EBF4: variants seen among roughly 807,000 people sequenced by gnomAD.
EBF4 encodes transcription factor COE4.
A neutral mutation model predicts 67.1 loss-of-function variants in EBF4; 34 were observed. The observed-to-expected ratio is 0.51, with a 90% CI of 0.39 to 0.67. The LOEUF is 0.67. Among genes scored for constraint, EBF4 ranks in the 30% least tolerant of loss-of-function variants. EBF4 has a pLI of 0.00. For synonymous variants in EBF4, 387 were observed against 377.7 expected (o/e 1.02, Z -0.29); for missense variants, 837 against 873.3 (o/e 0.96, Z 0.52).
chr20:2,701,317 C>T (rs976902747), intron 1 of EBF4, among the ~76,000 whole-genome samples: 1 of 152,240 alleles, frequency 6.6e-6, no homozygotes, highest in African/African-American at 2.4e-5. Context: ...TCCATGCCCC[C>T]AGCTGGCAGG....
chr20:2,693,701 C>G lies in EBF4; in HGVS notation c.56C>G (p.Pro19Arg). Residue 19 changes from proline to arginine, a missense_variant, in exon 1 of 17, where the codon CCG (proline) becomes CGG (arginine). This residue lies in a region of EBF4 where 86 missense variants were observed against 70.3 expected (regional missense o/e 1.22). Transcript: ENST00000609451. This position sits in a 1 kb window ranked among gnomAD's most constrained non-coding sequence, Gnocchi z 4.6. The stretch of plus-strand genomic sequence containing the variant: ...AGCGGGCTGAACCTGAAGGAGGAGC[C>G]GCTGCTGCCCGCCGGCCTGGGCTCA... 7.0e-7 allele frequency: 1 copy of G among 1,424,998 alleles called. No individual in the cohort carries two copies. Among genetic ancestry groups the G allele is most frequent in the Non-Finnish European group, 9.1e-7 (1 of 1,094,944 alleles). 88.3% of individuals were successfully genotyped at this position (1,424,998 alleles called of 1,614,324 possible). A position where few individuals can be genotyped will look rare whatever the true frequency, so the allele number is the denominator to read the frequency against.
chr20:2,748,016 G>A (rs1463736862), intron 6 of EBF4, among the ~76,000 whole-genome samples: 1 of 152,156 alleles, frequency 6.6e-6, no homozygotes, highest in Non-Finnish European at 1.5e-5. Context: ...TCTGAGGAGT[G>A]TACATGGTGT....
At position 2,704,049 on chromosome 20, in the gene EBF4, C is replaced by CA. The variant is rs1252737268; in HGVS notation, c.138-1522dup. On this transcript the variant is annotated intron_variant, in intron 1 of 16. Transcript: ENST00000609451. ...CTGGCTTCCCCCTGAATCACTAATCCAAAAAAGGGAAGAAGTCAGAAGCTG... is the reference window on the plus strand; with the variant it reads ...CTGGCTTCCCCCTGAATCACTAATCCAAAAAAAGGGAAGAAGTCAGAAGCTG... 3.9e-4 allele frequency among the ~76,000 whole-genome samples: 59 copies of CA among 152,020 alleles called. No individual in the cohort carries two copies. The East Asian group carries it at 0.01, about 27-fold the overall frequency.
At chr20:2,736,703 C>A (rs942565674) in intron 6 of EBF4, among the ~76,000 whole-genome samples, 1 of 152,152 alleles carries the variant, frequency 6.6e-6, no homozygotes, top group Admixed American at 6.5e-5. Flanking sequence ...CTTCCCCATT[C>A]CCCCCAACCC....
intron 14 of EBF4, among the ~76,000 whole-genome samples, chr20:2,754,515 C>A (rs898000080): frequency 6.6e-6 from 1 of 152,186 alleles, no homozygotes; most frequent in African/African-American, 2.4e-5. Context: ...TAACTGTTGT[C>A]TTAAAGGAGA....
chr20:2,740,594 A>C (rs1262070102), intron 6 of EBF4, among the ~76,000 whole-genome samples: 2 of 152,184 alleles, frequency 1.3e-5, no homozygotes. Context: ...ATGGGGATGC[A>C]GGGAAGAAAA....
chr20:2,731,370 C>T (rs994937736), intron 6 of EBF4, among the ~76,000 whole-genome samples: 1 of 152,180 alleles, frequency 6.6e-6, no homozygotes, highest in Non-Finnish European at 1.5e-5. Flanking sequence ...CCTCAGCTCT[C>T]CCCTAAGGTG....
intron 5 of EBF4, among the ~76,000 whole-genome samples, chr20:2,708,345 G>T (rs942428636): frequency 3.3e-5 from 5 of 152,236 alleles, no homozygotes; most frequent in African/African-American, 1.2e-4. Context: ...CAGGGTCTGG[G>T]AAGGCCTCTG....
In EBF4 at chr20:2,751,259, G is replaced by T. The variant is rs1339349353; in HGVS notation, c.1019-441G>T. Among the ~76,000 whole-genome samples the T allele has an allele frequency of 6.6e-6, 1 of 152,188 alleles. No individual in the cohort carries two copies. The highest frequency in any genetic ancestry group is 6.5e-5 in the Admixed American group (1 of 15,272). ...TGCAAACCTCTAGCCTTCAGATGCT[G>T]CAGAGAGTCCACTTGAGCCGTGATA... On this transcript the variant is annotated intron_variant, in intron 10 of 16. Transcript: ENST00000609451. This position sits in a 1 kb window ranked among gnomAD's most constrained non-coding sequence, Gnocchi z 5.2.
chr20:2,753,853 G>A (rs2088195642), intron 14 of EBF4, among the ~76,000 whole-genome samples: 1 of 152,172 alleles, frequency 6.6e-6, no homozygotes, highest in African/African-American at 2.4e-5. Flanking sequence ...GCCTTCTGGT[G>A]TCCCTCCCAA....
In EBF4 at chr20:2,755,276, A is replaced by G. The variant is rs1250920369; in HGVS notation, c.1541-351A>G. 3.9e-5 allele frequency: 11 copies of G among 285,322 alleles called. No individual in the cohort carries two copies. The highest frequency in any genetic ancestry group is 5.9e-5 in the Non-Finnish European group (9 of 151,366). The allele number at this position is 285,322 out of a possible 1,614,324, so 17.7% of individuals were successfully genotyped here. On this transcript the variant is annotated intron_variant, in intron 14 of 16. Transcript: ENST00000609451. The surrounding 1 kb of genome is among the most constrained non-coding windows in gnomAD (Gnocchi z 4.7). ...GCAAGGCTCATAAATGTTTCCTAGC[A>G]TCTCAGAATCCCAGGGGTTTTCAGC...
rs1362107278 is a variant in EBF4, at chr20:2,696,554, C to T, written c.137+2772C>T. 6.6e-6 allele frequency among the ~76,000 whole-genome samples: 1 copy of T among 152,170 alleles called. No homozygotes were observed. The highest frequency in any genetic ancestry group is 1.5e-5 in the Non-Finnish European group (1 of 68,024). On this transcript the variant is annotated intron_variant, in intron 1 of 16. Coordinates refer to ENST00000609451, the Ensembl canonical transcript of EBF4. The surrounding 1 kb of genome is among the most constrained non-coding windows in gnomAD (Gnocchi z 4.7). ...CCCACTGCTTCCTCATGGATATCTC[C>T]AACATTCAAGGCCTATCATGGTCTG...
chr20:2,744,475 TTTTC>T (rs2088017864), intron 6 of EBF4, among the ~76,000 whole-genome samples: 1 of 129,976 alleles, frequency 7.7e-6, no homozygotes, highest in Non-Finnish European at 1.6e-5. Flanking sequence ...TTCTTTTCTT[TTTTC>T]TTTTTTTCTT....
intron 6 of EBF4, among the ~76,000 whole-genome samples, chr20:2,742,331 A>G (rs772945545): frequency 1.3e-5 from 2 of 152,210 alleles, no homozygotes; most frequent in African/African-American, 4.8e-5. Flanking sequence ...CAAACTCAGC[A>G]GCGTTCTGGG....
At chr20:2,726,326 C>T (rs35045412) in intron 6 of EBF4, among the ~76,000 whole-genome samples, 16,958 of 152,102 alleles carry the variant, frequency 0.11, 1,219 homozygotes, top group East Asian at 0.29. Flanking sequence ...AGGTGTAGTA[C>T]CAGCTACCTG....
At chr20:2,709,785 G>A in intron 6 of EBF4, 143 bp downstream of exon 6, 1 of 831,830 alleles carries the variant, frequency 1.2e-6, no homozygotes, top group Non-Finnish European at 1.6e-6. Flanking sequence ...AGCAGAGAGG[G>A]AAACTGCCAG....
Position 2,705,442 on chromosome 20 carries a change from C to T in EBF4, c.138-135C>T. 3.2e-6 allele frequency: 4 copies of T among 1,233,370 alleles called. No homozygotes were observed. In the Admixed American group the frequency reaches 6.2e-5, roughly 19 times the overall value. 76.4% of individuals were successfully genotyped at this position (1,233,370 alleles called of 1,614,324 possible). A position where few individuals can be genotyped will look rare whatever the true frequency, so the allele number is the denominator to read the frequency against. On this transcript the variant is annotated intron_variant, in intron 1 of 16. Coordinates refer to ENST00000609451, the Ensembl canonical transcript of EBF4. ...CCTGGTCAGGCTGGAAAGGGCCTGT[C>T]TAGTTGGATTTTTTGCCCAAACTCT...
At chr20:2,701,433 G>C (rs893773565) in intron 1 of EBF4, among the ~76,000 whole-genome samples, 2 of 152,228 alleles carry the variant, frequency 1.3e-5, no homozygotes, top group African/African-American at 4.8e-5. Context: ...CTGAGCCCTG[G>C]GAAGGAAGCT....
intron 1 of EBF4, among the ~76,000 whole-genome samples, chr20:2,694,021 CGCGGGTGCG>C (rs2087251322): frequency 2.0e-5 from 3 of 152,176 alleles, no homozygotes; most frequent in Admixed American, 2.0e-4. Context: ...GACGGCCGCT[CGCGGGTGCG>C]GCGGTGAACG....
Sources: allele counts gnomAD v4.1 joint callset (sites outside exome capture counted in the v4.1 genomes callset), GRCh38; gene constraint gnomAD v4.1.1; regional missense constraint gnomAD v4.1.1; non-coding constraint Gnocchi (gnomAD v3.1); transcripts MANE v1.5; gene names NCBI Gene and HGNC (gene_info 2026-07-23, HGNC 2026-07-21).